DCDC2: variants seen among roughly 807,000 people sequenced by gnomAD.
DCDC2 encodes doublecortin domain containing 2, also known as doublecortin domain-containing protein 2.
In DCDC2, 40 loss-of-function variants were observed where a neutral mutation model predicts 50.2. That is an observed-to-expected ratio of 0.80 (90% CI 0.62 to 1.04). The LOEUF (loss-of-function observed/expected upper bound fraction) is 1.04, where lower values mean the gene tolerates loss of function less well. Among genes scored for constraint, DCDC2 ranks in the 50% least tolerant of loss-of-function variants. The pLI, the probability that DCDC2 is intolerant of heterozygous loss-of-function variation, is 0.00. For missense variants in DCDC2, 570 were observed against 581.9 expected (o/e 0.98, Z 0.21); for synonymous variants, 234 against 210.6 (o/e 1.11, Z -0.96).
intron 7 of DCDC2, among the ~76,000 whole-genome samples, chr6:24,232,599 C>T (rs549210605): frequency 1.3e-5 from 2 of 152,294 alleles, no homozygotes; most frequent in African/African-American, 4.8e-5. Flanking sequence ...CAAGGCATGA[C>T]TAGACCCATA....
At chr6:24,345,094 T>C (rs1760231186) in intron 2 of DCDC2, among the ~76,000 whole-genome samples, 1 of 152,298 alleles carries the variant, frequency 6.6e-6, no homozygotes, top group Admixed American at 6.5e-5. Context: ...GAAAGAAATA[T>C]TTAGATTACC....
chr6:24,229,251 T>G (rs1762291769), intron 7 of DCDC2, among the ~76,000 whole-genome samples: 1 of 152,196 alleles, frequency 6.6e-6, no homozygotes, highest in South Asian at 2.1e-4. Context: ...TGACCTTGTC[T>G]TTTCCTGTTG....
intron 8 of DCDC2, among the ~76,000 whole-genome samples, chr6:24,180,273 C>T (rs76257642): frequency 1.8e-4 from 27 of 151,956 alleles, no homozygotes; most frequent in East Asian, 1.7e-3. Context: ...TAAAATAACA[C>T]GGTTTTTTTG....
rs774111540 is a variant in DCDC2 at position 24,178,490 on chromosome 6, T to C, written c.1166A>G (p.Glu389Gly). The C allele has an allele frequency of 6.8e-6, 11 of 1,614,048 alleles. No homozygotes were observed. In the East Asian group the frequency reaches 2.5e-4, roughly 36 times the overall value. ...REATDAPEQV[E>G]EILDHSEQQA... ...CTGCTCACTGTGATCCAGAATCTCC[T>C]CGACTTGCTCAGGGGCATCTGTAGC... The change falls in exon 9 of 10, where the codon GAG (glutamate) becomes GGG (glycine). Residue 389 changes from glutamate to glycine, a missense_variant. Physicochemically the swap from Glu to Gly is moderately conservative, Grantham distance 98. Transcript: ENST00000378454.
intron 6 of DCDC2, 59 bp from the exon 7 acceptor site, chr6:24,278,270 A>G (rs1763403845): frequency 1.3e-6 from 2 of 1,486,308 alleles, no homozygotes; most frequent in Non-Finnish European, 9.1e-7. Flanking sequence ...AAACATTCCC[A>G]GTAAATACAT....
intron 7 of DCDC2, among the ~76,000 whole-genome samples, chr6:24,239,300 CCTT>C (rs927017058): frequency 1.3e-5 from 2 of 152,162 alleles, no homozygotes; most frequent in Non-Finnish European, 2.9e-5. Context: ...AGGATACCGT[CCTT>C]CTCCTGCTGG....
At chr6:24,302,693 G>T (rs944558244) in intron 2 of DCDC2, among the ~76,000 whole-genome samples, 1 of 151,966 alleles carries the variant, frequency 6.6e-6, no homozygotes, top group Non-Finnish European at 1.5e-5. Context: ...AGAGAACCAC[G>T]GGGCCCCATG....
chr6:24,295,480 G>A (rs1481835454), intron 4 of DCDC2, among the ~76,000 whole-genome samples: 1 of 152,098 alleles, frequency 6.6e-6, no homozygotes, highest in Non-Finnish European at 1.5e-5. Flanking sequence ...CAGTCATCAG[G>A]CAAGACAAAG....
chr6:24,200,393 A>C (rs986712366), intron 8 of DCDC2, among the ~76,000 whole-genome samples: 1 of 152,234 alleles, frequency 6.6e-6, no homozygotes, highest in Non-Finnish European at 1.5e-5. Flanking sequence ...CCAGATTTTC[A>C]TATCCAGGCA....
intron 7 of DCDC2, among the ~76,000 whole-genome samples, chr6:24,254,818 G>T (rs1370420927): frequency 2.6e-5 from 3 of 117,448 alleles, no homozygotes; most frequent in Non-Finnish European, 5.8e-5. Flanking sequence ...AAAAATCAAT[G>T]TAATTCATAC....
At chr6:24,327,483 T>TATTTATTG (rs1554119342) in intron 2 of DCDC2, among the ~76,000 whole-genome samples, 15 of 144,128 alleles carry the variant, frequency 1.0e-4, no homozygotes, top group African/African-American at 3.2e-4. Context: ...TTTATTTATT[T>TATTTATTG]ATTGGCTGAT....
At chr6:24,253,978 T>A (rs1233373798) in intron 7 of DCDC2, among the ~76,000 whole-genome samples, 1 of 152,206 alleles carries the variant, frequency 6.6e-6, no homozygotes, top group African/African-American at 2.4e-5. Flanking sequence ...CACAAACACA[T>A]TGTACAGCTG....
intron 1 of DCDC2, among the ~76,000 whole-genome samples, chr6:24,355,495 A>T (rs1760451313): frequency 6.6e-6 from 1 of 152,202 alleles, no homozygotes; most frequent in Non-Finnish European, 1.5e-5. Flanking sequence ...TGTTTACAAA[A>T]CACACATCTA....
At chr6:24,304,075 T>C (rs1333290026) in intron 2 of DCDC2, among the ~76,000 whole-genome samples, 1 of 152,236 alleles carries the variant, frequency 6.6e-6, no homozygotes, top group Admixed American at 6.5e-5. Context: ...TGTCATACTC[T>C]AGAGTACAAT....
chr6:24,267,345 T>C (rs9393544), intron 7 of DCDC2, among the ~76,000 whole-genome samples: 151,201 of 152,288 alleles, frequency 0.99, 75,069 homozygotes, highest in Middle Eastern at 1. Flanking sequence ...TGCTTGAGGT[T>C]ATAGATACCC....
At chr6:24,182,423 G>A (rs974605309) in intron 8 of DCDC2, among the ~76,000 whole-genome samples, 2 of 151,998 alleles carry the variant, frequency 1.3e-5, no homozygotes, top group Non-Finnish European at 2.9e-5. Flanking sequence ...ATAAAGGCTT[G>A]ATATCTAGAA....
intron 8 of DCDC2, among the ~76,000 whole-genome samples, chr6:24,183,269 C>T (rs561275050): frequency 6.6e-6 from 1 of 152,288 alleles, no homozygotes; most frequent in Non-Finnish European, 1.5e-5. Context: ...ACTGTATGTA[C>T]ACTTAAAACT....
chr6:24,335,826 G>A (rs1760048246), intron 2 of DCDC2, among the ~76,000 whole-genome samples: 1 of 152,094 alleles, frequency 6.6e-6, no homozygotes. Context: ...TATTCACTAT[G>A]AGTAGAACAG....
chr6:24,355,564 A>C (rs561285710), intron 1 of DCDC2, among the ~76,000 whole-genome samples: 1 of 152,176 alleles, frequency 6.6e-6, no homozygotes, highest in South Asian at 2.1e-4. Context: ...CCTTTTCTGT[A>C]TTAAGAAACT....
Sources: allele counts gnomAD v4.1 joint callset (sites outside exome capture counted in the v4.1 genomes callset), GRCh38; gene constraint gnomAD v4.1.1; transcripts MANE v1.5; gene names NCBI Gene and HGNC (gene_info 2026-07-23, HGNC 2026-07-21).